DUSP11: variants seen among roughly 807,000 people sequenced by gnomAD.
DUSP11 encodes RNA/RNP complex-1-interacting phosphatase.
A neutral mutation model predicts 41.4 loss-of-function variants in DUSP11; 27 were observed. That is an observed-to-expected ratio of 0.65 (90% CI 0.48 to 0.90). DUSP11 has a LOEUF of 0.90. Ranked by LOEUF, DUSP11 falls within the 40% of genes least tolerant of loss-of-function variation. DUSP11 has a pLI of 0.00. For missense variants in DUSP11, 465 were observed against 461.1 expected (o/e 1.01, Z -0.08); for synonymous variants, 188 against 159.3 (o/e 1.18, Z -1.35).
chr2:73,777,816 C>T (rs1477031111), intron 2 of DUSP11, among the ~76,000 whole-genome samples: 3 of 152,128 alleles, frequency 2.0e-5, no homozygotes, highest in African/African-American at 7.2e-5. Flanking sequence ...CAAATAAACA[C>T]AAAGTATTTT....
chr2:73,777,880 C>T (rs962824504), intron 2 of DUSP11, among the ~76,000 whole-genome samples: 4 of 152,054 alleles, frequency 2.6e-5, no homozygotes, highest in African/African-American at 9.7e-5. Context: ...ACCTTATCAA[C>T]CAAATGAAGA....
chr2:73,777,166 A>G (rs1234389740), intron 2 of DUSP11, among the ~76,000 whole-genome samples: 1 of 152,120 alleles, frequency 6.6e-6, no homozygotes, highest in Non-Finnish European at 1.5e-5. Context: ...TTTTTTGTAG[A>G]GACACGGTTT....
rs539907856 is a variant in DUSP11, at chr2:73,764,930, C to T, written c.935+1488G>A. 7.2e-5 allele frequency among the ~76,000 whole-genome samples: 11 copies of T among 152,260 alleles called. No homozygotes were observed. The South Asian group carries it at 2.1e-3, about 29-fold the overall frequency. ...GCAGTGAGCCAAGACTGCACCACTG[C>T]ACTCCAGTCTGGGCGACAGGGTGAG... On this transcript the variant is annotated intron_variant, in intron 8 of 8. Coordinates refer to ENST00000272444, the Ensembl canonical transcript of DUSP11.
chr2:73,766,566 T>C, exon 8 of DUSP11: 2 of 1,612,530 alleles, frequency 1.2e-6, no homozygotes, highest in Non-Finnish European at 1.7e-6. Flanking sequence ...TCAAAATCAC[T>C]TGACCTGGGT....
chr2:73,769,046 C>A, intron 5 of DUSP11: 5 of 420,758 alleles, frequency 1.2e-5, no homozygotes, highest in African/African-American at 2.1e-5. Flanking sequence ...GAATGTCTAA[C>A]TATTATACCA....
chr2:73,780,085 C>T (rs1163586631), exon 1 of DUSP11: 5 of 1,579,568 alleles, frequency 3.2e-6, no homozygotes, highest in East Asian at 2.3e-5. Context: ...CAGCCACCTA[C>T]GCCGCGCTCC....
intron 4 of DUSP11, chr2:73,773,545 C>A (rs1463429085): frequency 5.2e-6 from 2 of 384,872 alleles, no homozygotes; most frequent in East Asian, 6.4e-5. Context: ...TTATATATTT[C>A]TCATTCAAAT....
At chr2:73,766,490 A>G (rs1258096744) in exon 8 of DUSP11, 2 of 1,614,128 alleles carry the variant, frequency 1.2e-6, no homozygotes, top group African/African-American at 1.3e-5. Context: ...GATCTGATGT[A>G]GATTATACCT....
At chr2:73,775,583 C>G (rs1302133820) in intron 2 of DUSP11, among the ~76,000 whole-genome samples, 2 of 148,824 alleles carry the variant, frequency 1.3e-5, no homozygotes, top group Non-Finnish European at 3.0e-5. Flanking sequence ...CAGCTGGGCG[C>G]AGTGGTTCAC....
At chr2:73,770,153 G>C (rs1194824012) in intron 4 of DUSP11, among the ~76,000 whole-genome samples, 1 of 150,518 alleles carries the variant, frequency 6.6e-6, no homozygotes, top group Non-Finnish European at 1.5e-5. Flanking sequence ...AAATTAGCTG[G>C]GTATTGTGGC....
At chr2:73,775,542 CCTTTT>C (rs1558535114) in intron 2 of DUSP11, among the ~76,000 whole-genome samples, 1 of 95,068 alleles carries the variant, frequency 1.1e-5, no homozygotes, top group Non-Finnish European at 2.5e-5. Flanking sequence ...CCACACCTGG[CCTTTT>C]TTTTTTTTTT....
At chr2:73,779,979 G>A (rs572911495) in exon 1 of DUSP11, 2 of 1,614,228 alleles carry the variant, frequency 1.2e-6, no homozygotes, top group African/African-American at 1.3e-5. Flanking sequence ...GCTCATGTGG[G>A]TCCCAAGAAG....
At chr2:73,766,746 A>G in intron 7 of DUSP11, 82 bp downstream of exon 7, 1 of 1,377,098 alleles carries the variant, frequency 7.3e-7, no homozygotes, top group Non-Finnish European at 1.0e-6. Context: ...AAGCTACCAG[A>G]AGAATGAACA....
chr2:73,766,947 G>A (rs2567599), intron 6 of DUSP11, 44 bp from the exon 7 acceptor site: 1,450,802 of 1,543,616 alleles, frequency 0.94, 682,078 homozygotes, highest in East Asian at 0.99. Flanking sequence ...ACAAAAAGCA[G>A]ATCTTTCCAG....
Position 73,765,176 on chromosome 2 carries a change from T to A in DUSP11, c.935+1242A>T, listed in dbSNP as rs112232971. ...CTGAGTGGGAGGATCCACCCTCAGT[T>A]TGCGTAGGTACCATCCAATAGGCTG... On this transcript the variant is annotated intron_variant, in intron 8 of 8. Transcript: ENST00000272444. Among the ~76,000 whole-genome samples the A allele has an allele frequency of 4.3e-3, 657 of 152,162 alleles. 7 individuals carry two copies. Among genetic ancestry groups the A allele is most frequent in the African/African-American group, 0.015 (631 of 41,520 alleles).
chr2:73,767,899 TG>T (rs1180881761), intron 5 of DUSP11: 1 of 152,314 alleles, frequency 6.6e-6, no homozygotes, highest in Admixed American at 6.5e-5. Flanking sequence ...AATACAAATT[TG>T]AATGTGTTCC....
rs960312307 is a variant in DUSP11 at position 73,769,260 on chromosome 2, C to T, written c.635+5G>A. The T allele has an allele frequency of 6.2e-7, 1 of 1,612,746 alleles. No homozygotes were observed. Among genetic ancestry groups the T allele is most frequent in the African/African-American group, 1.3e-5 (1 of 74,882 alleles). ...AATGGTCTGCCTCTGGGGTTGGCAACTTACCTGCAAATGAGGTAGCCAGTC... is the reference window on the plus strand; with the variant it reads ...AATGGTCTGCCTCTGGGGTTGGCAATTTACCTGCAAATGAGGTAGCCAGTC... On this transcript the variant is annotated splice_donor_5th_base_variant and intron_variant, in intron 5 of 8. Coordinates refer to ENST00000272444, the Ensembl canonical transcript of DUSP11.
intron 1 of DUSP11, among the ~76,000 whole-genome samples, 168 bp from the exon 2 acceptor site, chr2:73,778,544 C>T (rs964311636): frequency 6.6e-6 from 1 of 152,134 alleles, no homozygotes; most frequent in African/African-American, 2.4e-5. Context: ...ACGACCTATA[C>T]CGTCCTTCTC....
chr2:73,777,815 A>G (rs1187025599), intron 2 of DUSP11, among the ~76,000 whole-genome samples: 1 of 152,218 alleles, frequency 6.6e-6, no homozygotes, highest in Non-Finnish European at 1.5e-5. Context: ...ACAAATAAAC[A>G]CAAAGTATTT....
Sources: allele counts gnomAD v4.1 joint callset (sites outside exome capture counted in the v4.1 genomes callset), GRCh38; gene constraint gnomAD v4.1.1; transcripts MANE v1.5; gene names NCBI Gene and HGNC (gene_info 2026-07-23, HGNC 2026-07-21).